KCNH2: variants seen among roughly 807,000 people sequenced by gnomAD.
KCNH2 encodes the protein voltage-gated inwardly rectifying potassium channel KCNH2.
KCNH2 carries 35 observed loss-of-function variants against 95.9 expected under a neutral mutation model. That is an observed-to-expected ratio of 0.37 (90% confidence interval 0.28 to 0.48). The LOEUF (loss-of-function observed/expected upper bound fraction) is 0.48, where lower values mean the gene tolerates loss of function less well. Among genes scored for constraint, KCNH2 ranks in the 20% least tolerant of loss-of-function variants. The probability of loss-of-function intolerance (pLI) is 0.99; values close to 1 mark genes in which losing one functional copy is unlikely to be tolerated. For missense variants in KCNH2, 1,274 were observed against 1,702.9 expected (o/e 0.75, Z 4.43); for synonymous variants, 786 against 754.7 (o/e 1.04, Z -0.68).
intron 1 of KCNH2, among the ~76,000 whole-genome samples, chr7:150,977,293 T>C (rs568510531): frequency 2.6e-5 from 4 of 152,200 alleles, no homozygotes; most frequent in South Asian, 4.1e-4. Context: ...CCACCGCCCA[T>C]ACAGGGTCTA....
rs1801566412 is a variant in KCNH2 at position 150,961,509 on chromosome 7, A to G, written c.308-1773T>C. On this transcript the variant is annotated intron_variant, in intron 2 of 14. Transcript: ENST00000262186. This position sits in a 1 kb window ranked among gnomAD's most constrained non-coding sequence, Gnocchi z 6.2. ...AGACAGGGTTTTCACTGTGTTGGCC[A>G]GGCTGGTCTCAAACTCCTGGCCTCA... Among the ~76,000 whole-genome samples the G allele has an allele frequency of 6.6e-6, 1 of 152,118 alleles. No homozygotes were observed. Among genetic ancestry groups the G allele is most frequent in the Non-Finnish European group, 1.5e-5 (1 of 68,004 alleles).
At chr7:150,948,026 CCACT>C (rs1231503017) in intron 11 of KCNH2, 148 bp from the exon 12 acceptor site, 1 of 1,019,146 alleles carries the variant, frequency 9.8e-7, no homozygotes, top group Non-Finnish European at 1.4e-6. Context: ...TATCTTGCAC[CCACT>C]GTCAAGCCGA....
Position 150,951,068 on chromosome 7 carries a change from C to T in KCNH2, c.1998G>A (p.Leu666=), listed in dbSNP as rs1296300537. ...TGTGGTAGCGGGCTGTGCCCGAGTA[C>T]AGCCGCTGGATGATGGCCGACACGT... ...FGNVSAIIQR[L]YSGTARYHTQ... is the part of the protein sequence containing the mutation. The change falls in exon 8 of 15, where the codon CTG becomes CTA. Residue 666 remains leucine, a synonymous_variant. Coordinates refer to ENST00000262186, the MANE Select transcript of KCNH2 (RefSeq NM_000238.4). 2 of 1,613,848 alleles carry T rather than the reference C, an allele frequency of 1.2e-6. No individual in the cohort carries two copies. Among genetic ancestry groups the T allele is most frequent in the East Asian group, 2.2e-5 (1 of 44,872 alleles).
At chr7:150,948,700 G>C (rs1276382368) in intron 10 of KCNH2, among the ~76,000 whole-genome samples, 156 bp downstream of exon 10, 2 of 152,254 alleles carry the variant, frequency 1.3e-5, no homozygotes, top group Non-Finnish European at 1.5e-5. Context: ...CCCAGGCAAA[G>C]ACTGAGTTTG....
chr7:150,949,195 G>A, intron 9 of KCNH2, 146 bp from the exon 10 acceptor site: 1 of 1,098,908 alleles, frequency 9.1e-7, no homozygotes, highest in Admixed American at 2.2e-5. Context: ...ACACAACCGG[G>A]GAAGCAATCT....
intron 2 of KCNH2, 155 bp from the exon 3 acceptor site, chr7:150,959,891 C>T (rs1801507541): frequency 1.4e-5 from 12 of 843,288 alleles, no homozygotes; most frequent in East Asian, 5.3e-5. Flanking sequence ...ATCCCCCACC[C>T]GGCCATGTGC....
chr7:150,968,413 A>G (rs1292892477), intron 2 of KCNH2, among the ~76,000 whole-genome samples: 1 of 152,338 alleles, frequency 6.6e-6, no homozygotes, highest in East Asian at 1.9e-4. Context: ...CTGAATACGC[A>G]CCTACAGACT....
chr7:150,956,315 C>A (rs997611076), intron 5 of KCNH2, among the ~76,000 whole-genome samples: 1 of 152,134 alleles, frequency 6.6e-6, no homozygotes, highest in African/African-American at 2.4e-5. Flanking sequence ...GGAGACCTGG[C>A]AGGGACCCAG....
At position 150,952,625 on chromosome 7, in the gene KCNH2, C is replaced by T. The variant is rs1801221411; in HGVS notation, c.1357G>A (p.Ala453Thr). The change falls in exon 6 of 15, where the codon GCT becomes ACT. Residue 453 changes from alanine (A) to threonine (T), a missense_variant. Ala to Thr is a moderately conservative substitution (Grantham distance 58, BLOSUM62 0). Transcript: ENST00000262186. The surrounding 1 kb of genome is among the most constrained non-coding windows in gnomAD (Gnocchi z 7.3). Reference sequence around the variant, plus strand: ...ATGTCCACGATGAGGTCCACCACAGCCAGCGGCTGGCAGGCGTAGCCACAC... The same window carrying T: ...ATGTCCACGATGAGGTCCACCACAGTCAGCGGCTGGCAGGCGTAGCCACAC... ...TECGYACQPL[A>T]VVDLIVDIMF... 6.2e-7 allele frequency: 1 copy of T among 1,614,218 alleles called. No homozygotes were observed. The highest frequency in any genetic ancestry group is 8.5e-7 in the Non-Finnish European group (1 of 1,180,032).
chr7:150,966,494 A>T (rs778881825), intron 2 of KCNH2, among the ~76,000 whole-genome samples: 1 of 151,014 alleles, frequency 6.6e-6, no homozygotes, highest in African/African-American at 2.4e-5. Flanking sequence ...GCATCAAAAC[A>T]TGTGACGGTG....
intron 3 of KCNH2, among the ~76,000 whole-genome samples, chr7:150,959,004 T>A (rs949306947): frequency 6.6e-6 from 1 of 152,194 alleles, no homozygotes; most frequent in Non-Finnish European, 1.5e-5. Flanking sequence ...AAGATTAAAA[T>A]TAAGCCAAAG....
intron 5 of KCNH2, 56 bp downstream of exon 5, chr7:150,957,235 A>C (rs1584863542): frequency 2.8e-6 from 4 of 1,429,086 alleles, no homozygotes; most frequent in African/African-American, 2.9e-5. Flanking sequence ...GCCCACTCCC[A>C]CCCCCTCTCC....
At chr7:150,965,845 C>A (rs1801689263) in intron 2 of KCNH2, among the ~76,000 whole-genome samples, 1 of 152,158 alleles carries the variant, frequency 6.6e-6, no homozygotes, top group African/African-American at 2.4e-5. Context: ...CAGGTGGGGA[C>A]AGGCCATGTC....
intron 2 of KCNH2, among the ~76,000 whole-genome samples, chr7:150,964,104 T>C (rs1287846106): frequency 6.6e-6 from 1 of 152,088 alleles, no homozygotes; most frequent in Non-Finnish European, 1.5e-5. Context: ...GGAGCCACAT[T>C]TGGCTGTGGC....
intron 8 of KCNH2, among the ~76,000 whole-genome samples, chr7:150,950,676 G>A (rs1352280834): frequency 1.3e-5 from 2 of 152,144 alleles, no homozygotes; most frequent in African/African-American, 4.8e-5. Flanking sequence ...TCCCGCCCTG[G>A]GCTGTCACAA....
Position 150,974,588 on chromosome 7 carries a change from C to CGGGCT in KCNH2, c.307+118_307+122dup. 4.7e-6 allele frequency: 4 copies of CGGGCT among 850,874 alleles called. No homozygotes were observed. In the South Asian group the frequency reaches 6.7e-5, roughly 14 times the overall value. The allele number at this position is 850,874 out of a possible 1,614,324, so 52.7% of individuals were successfully genotyped here. A position where few individuals can be genotyped will look rare whatever the true frequency, so the allele number is the denominator to read the frequency against. On this transcript the variant is annotated intron_variant, in intron 2 of 14. Transcript: ENST00000262186. ...CGTCACACCCCCACAGAACCCTGCC[C>CGGGCT]GGGCTCGGGGCGTTCTCCAGCCGCC...
chr7:150,945,523 C>T lies in KCNH2; in HGVS notation c.3331-9G>A, dbSNP rs754582515. ...GCCATGAACTGGGAAACCTGCAATA[C>T]ACACAGAGCATGGGCAGGCGAAGAG... On this transcript the variant is annotated splice_polypyrimidine_tract_variant and intron_variant, in intron 14 of 14. Coordinates refer to ENST00000262186, the MANE Select transcript of KCNH2 (RefSeq NM_000238.4). The surrounding 1 kb of genome is among the most constrained non-coding windows in gnomAD (Gnocchi z 5.6). 2.3e-5 allele frequency: 35 copies of T among 1,548,610 alleles called. No homozygotes were observed. In the South Asian group the frequency reaches 3.8e-4, roughly 17 times the overall value.
chr7:150,966,528 T>C (rs1439833122), intron 2 of KCNH2, among the ~76,000 whole-genome samples: 1 of 151,612 alleles, frequency 6.6e-6, no homozygotes, highest in Non-Finnish European at 1.5e-5. Flanking sequence ...CAGCGAAAAC[T>C]GGCATTATTT....
At chr7:150,957,163 A>G in intron 5 of KCNH2, 128 bp downstream of exon 5, 1 of 774,708 alleles carries the variant, frequency 1.3e-6, no homozygotes, top group Non-Finnish European at 2.2e-6. Context: ...CCCAACCCTC[A>G]GGTCTGCCTC....
Sources: gnomAD v4.1 joint callset for allele counts (sites outside exome capture counted in the v4.1 genomes callset) on GRCh38, gnomAD v4.1.1 for gene constraint, Gnocchi (gnomAD v3.1) non-coding constraint, MANE v1.5 for transcripts, NCBI Gene and HGNC (gene_info 2026-07-23, HGNC 2026-07-21) for gene names.